CEP112: variants seen among roughly 807,000 people sequenced by gnomAD.
CEP112 encodes centrosomal protein of 112 kDa.
CEP112 carries 127 observed loss-of-function variants against 153.0 expected under a neutral mutation model. That is an observed-to-expected ratio of 0.83 (90% CI 0.72 to 0.96). The LOEUF (loss-of-function observed/expected upper bound fraction) is 0.96, where lower values mean the gene tolerates loss of function less well. CEP112 is among the 40% of genes least tolerant of loss of function. The probability of loss-of-function intolerance (pLI) is 0.00; values close to 1 mark genes in which losing one functional copy is unlikely to be tolerated. For synonymous variants in CEP112, 358 were observed against 374.4 expected (o/e 0.96, Z 0.51); for missense variants, 1,089 against 1,101.2 (o/e 0.99, Z 0.16).
At chr17:66,130,295 T>C (rs1316584633) in intron 5 of CEP112, among the ~76,000 whole-genome samples, 6 of 152,252 alleles carry the variant, frequency 3.9e-5, no homozygotes, top group Non-Finnish European at 7.3e-5. Context: ...GTTTTAATTG[T>C]GGTATACCAC....
chr17:65,829,798 C>T (rs1481273925), intron 21 of CEP112, among the ~76,000 whole-genome samples: 1 of 152,030 alleles, frequency 6.6e-6, no homozygotes, highest in African/African-American at 2.4e-5. Context: ...ATAAAAAGTA[C>T]TCAACTTAGC....
chr17:66,070,097 T>C (rs1210799075), intron 8 of CEP112, 96 bp from the exon 9 acceptor site: 1 of 679,198 alleles, frequency 1.5e-6, no homozygotes, highest in African/African-American at 1.8e-5. Flanking sequence ...AAAAAGACAG[T>C]TATCATTTTC....
At chr17:66,074,479 T>C (rs1299388011) in intron 8 of CEP112, among the ~76,000 whole-genome samples, 1 of 152,088 alleles carries the variant, frequency 6.6e-6, no homozygotes, top group East Asian at 1.9e-4. Flanking sequence ...AATACTGACT[T>C]AGAGAACAAG....
chr17:66,154,207 G>A (rs961928834), intron 4 of CEP112, among the ~76,000 whole-genome samples: 1 of 151,044 alleles, frequency 6.6e-6, no homozygotes, highest in African/African-American at 2.4e-5. Flanking sequence ...CTACAGCAGT[G>A]TGAATGACAT....
At chr17:65,887,188 A>G (rs1431181029) in intron 20 of CEP112, among the ~76,000 whole-genome samples, 2 of 152,144 alleles carry the variant, frequency 1.3e-5, no homozygotes, top group Non-Finnish European at 2.9e-5. Flanking sequence ...CTTTGAAGTG[A>G]GACACATTCG....
At chr17:66,125,507 C>A (rs984639466) in intron 6 of CEP112, among the ~76,000 whole-genome samples, 1 of 151,856 alleles carries the variant, frequency 6.6e-6, no homozygotes, top group Admixed American at 6.6e-5. Flanking sequence ...CAGAGCAAGA[C>A]CCTGTCTCTA....
At chr17:65,857,426 G>A (rs1310129063) in intron 20 of CEP112, among the ~76,000 whole-genome samples, 1 of 152,126 alleles carries the variant, frequency 6.6e-6, no homozygotes, top group Non-Finnish European at 1.5e-5. Context: ...TTTTGCTGGT[G>A]GAGAGTCTTG....
chr17:66,160,935 A>G (rs542722693), intron 4 of CEP112, among the ~76,000 whole-genome samples: 2 of 152,306 alleles, frequency 1.3e-5, no homozygotes, highest in East Asian at 3.9e-4. Flanking sequence ...TTTGCAATCT[A>G]TCCATCTGAC....
At chr17:66,081,318 T>C (rs1357440263) in intron 8 of CEP112, among the ~76,000 whole-genome samples, 4 of 152,132 alleles carry the variant, frequency 2.6e-5, no homozygotes, top group African/African-American at 7.2e-5. Flanking sequence ...GTGAAAATTA[T>C]CATCAGAAAA....
At chr17:66,161,878 T>C (rs2071726558) in intron 4 of CEP112, among the ~76,000 whole-genome samples, 1 of 138,138 alleles carries the variant, frequency 7.2e-6, no homozygotes, top group African/African-American at 2.7e-5. Flanking sequence ...AATAAGTAAA[T>C]ACATATCACA....
At chr17:65,746,125 A>G (rs1259801396) in intron 22 of CEP112, among the ~76,000 whole-genome samples, 1 of 127,490 alleles carries the variant, frequency 7.8e-6, no homozygotes, top group Non-Finnish European at 1.6e-5. Flanking sequence ...AGATTGCGCC[A>G]TTTCACTCCA....
intron 8 of CEP112, among the ~76,000 whole-genome samples, chr17:66,076,760 T>C (rs1270798935): frequency 3.9e-5 from 6 of 152,258 alleles, no homozygotes; most frequent in African/African-American, 1.4e-4. Context: ...AGCACAAAAA[T>C]AGAACTGTAA....
intron 4 of CEP112, among the ~76,000 whole-genome samples, chr17:66,141,434 T>A (rs1251659539): frequency 6.6e-6 from 1 of 152,140 alleles, no homozygotes; most frequent in African/African-American, 2.4e-5. Flanking sequence ...ATACACAACA[T>A]GAGATCTACT....
At chr17:65,750,538 G>C in intron 22 of CEP112, 124 bp downstream of exon 22, 3 of 713,152 alleles carry the variant, frequency 4.2e-6, no homozygotes, top group Non-Finnish European at 4.9e-6. Context: ...ATAAAAATAT[G>C]ATACCATTCC....
chr17:65,713,323 CA>C (rs2049304956), intron 23 of CEP112, among the ~76,000 whole-genome samples: 1 of 152,076 alleles, frequency 6.6e-6, no homozygotes, highest in African/African-American at 2.4e-5. Flanking sequence ...ACAGCAAATC[CA>C]AATCTGCACA....
chr17:66,030,409 G>T (rs564911472), intron 12 of CEP112, among the ~76,000 whole-genome samples: 41 of 152,080 alleles, frequency 2.7e-4, no homozygotes, highest in Non-Finnish European at 4.9e-4. Context: ...CTTTGCGTTT[G>T]ATTTTAAGTT....
intron 8 of CEP112, among the ~76,000 whole-genome samples, chr17:66,070,682 T>A (rs1389935814): frequency 6.6e-6 from 1 of 152,136 alleles, no homozygotes; most frequent in Non-Finnish European, 1.5e-5. Flanking sequence ...AAGAAGGGTA[T>A]CCTAGAATTA....
chr17:66,014,291 TATG>T (rs1325941030), intron 16 of CEP112, among the ~76,000 whole-genome samples: 2 of 152,092 alleles, frequency 1.3e-5, no homozygotes, highest in Non-Finnish European at 2.9e-5. Context: ...GCACAGGAGC[TATG>T]ATGAGGGCCC....
intron 8 of CEP112, among the ~76,000 whole-genome samples, chr17:66,078,285 A>T: frequency 7.6e-6 from 1 of 131,266 alleles, no homozygotes; most frequent in Admixed American, 8.1e-5. Context: ...TTTGAGACGG[A>T]GTCTCACTCT....
Sources: allele counts gnomAD v4.1 joint callset (sites outside exome capture counted in the v4.1 genomes callset), GRCh38; gene constraint gnomAD v4.1.1; transcripts MANE v1.5; gene names NCBI Gene and HGNC (gene_info 2026-07-23, HGNC 2026-07-21).